Variants in MYO5B observed in about 807,000 individuals in gnomAD.
The protein encoded by MYO5B is unconventional myosin-Vb.
In MYO5B, 143 loss-of-function variants were observed where a neutral mutation model predicts 229.3. The ratio of observed to expected loss-of-function variants is 0.62; its 90% CI spans 0.54 to 0.72. The LOEUF is 0.72. Ranked by LOEUF, MYO5B falls within the 30% of genes least tolerant of loss-of-function variation. MYO5B has a pLI of 0.00. For missense variants in MYO5B, 2,321 were observed against 2,331.0 expected (o/e 1.00, Z 0.09); for synonymous variants, 918 against 885.2 (o/e 1.04, Z -0.66).
At chr18:49,924,035 A>G (rs2025103475) in intron 17 of MYO5B, among the ~76,000 whole-genome samples, 1 of 152,178 alleles carries the variant, frequency 6.6e-6, no homozygotes, top group Admixed American at 6.5e-5. Context: ...GATCCTCAAC[A>G]GTTTAACATG....
At chr18:49,856,357 G>A (rs780858705) in intron 30 of MYO5B, among the ~76,000 whole-genome samples, 21 of 152,188 alleles carry the variant, frequency 1.4e-4, no homozygotes, top group Non-Finnish European at 2.4e-4. Flanking sequence ...AGGCTCTGGG[G>A]GCACAGGTTA....
At chr18:49,904,641 C>A (rs767827668) in intron 20 of MYO5B, 31 bp downstream of exon 20, 3 of 1,613,654 alleles carry the variant, frequency 1.9e-6, no homozygotes, top group Non-Finnish European at 2.5e-6. Flanking sequence ...TCTGAATCTG[C>A]AGCCCTGAGG....
At chr18:49,853,301 G>A in intron 31 of MYO5B, 148 bp downstream of exon 31, 1 of 803,364 alleles carries the variant, frequency 1.2e-6, no homozygotes, top group Non-Finnish European at 2.1e-6. Context: ...CAGTGAAGGG[G>A]TCTTGACCGG....
At chr18:49,851,390 T>C (rs972362343) in intron 31 of MYO5B, among the ~76,000 whole-genome samples, 28 of 152,202 alleles carry the variant, frequency 1.8e-4, no homozygotes, top group Non-Finnish European at 2.2e-4. Context: ...GGGAATTATA[T>C]AGAGCTATGC....
rs574953513 is a variant in MYO5B, at chr18:50,194,941, G to A, written c.-148C>T. The stretch of plus-strand genomic sequence containing the variant: ...CTCCGACCTGCCCCGCCGGCTTCCC[G>A]CAGGCGCCGCGGCCGGCTCGCTCCC... On this transcript the variant is annotated 5_prime_UTR_variant, in exon 1 of 40. Coordinates refer to ENST00000285039, the MANE Select transcript of MYO5B (RefSeq NM_001080467.3). 8 of 1,129,056 alleles carry A rather than the reference G, an allele frequency of 7.1e-6. No individual in the cohort carries two copies. The African/African-American group carries it at 9.7e-5, about 14-fold the overall frequency. 69.9% of individuals were successfully genotyped at this position (1,129,056 alleles called of 1,614,324 possible).
intron 1 of MYO5B, among the ~76,000 whole-genome samples, chr18:50,080,521 C>A (rs1340036025): frequency 1.3e-5 from 2 of 152,182 alleles, no homozygotes; most frequent in East Asian, 3.9e-4. Flanking sequence ...ACTTGCCCAA[C>A]AGCTGCCCCC....
intron 39 of MYO5B, among the ~76,000 whole-genome samples, chr18:49,830,928 T>C (rs907237947): frequency 4.0e-5 from 6 of 149,958 alleles, no homozygotes; most frequent in Non-Finnish European, 8.8e-5. Flanking sequence ...AACAGTATGG[T>C]ACTGGTATAC....
At chr18:50,120,431 G>A (rs2032039088) in intron 1 of MYO5B, among the ~76,000 whole-genome samples, 1 of 152,224 alleles carries the variant, frequency 6.6e-6, no homozygotes, top group Admixed American at 6.5e-5. Flanking sequence ...TCAGGGCAGT[G>A]TTGGTCTGCG....
chr18:49,863,577 C>T (rs1460134105), intron 28 of MYO5B, among the ~76,000 whole-genome samples: 1 of 152,124 alleles, frequency 6.6e-6, no homozygotes, highest in Non-Finnish European at 1.5e-5. Flanking sequence ...GGAGGTGCCC[C>T]TGGGAGGAGA....
At chr18:49,863,488 G>A (rs1568615222) in intron 28 of MYO5B, among the ~76,000 whole-genome samples, 161 bp from the exon 29 acceptor site, 1 of 152,186 alleles carries the variant, frequency 6.6e-6, no homozygotes, top group Non-Finnish European at 1.5e-5. Context: ...GACTCCAAAA[G>A]GTCATCTTGG....
chr18:50,043,243 T>C (rs1314825783), intron 2 of MYO5B, among the ~76,000 whole-genome samples: 2 of 133,502 alleles, frequency 1.5e-5, no homozygotes, highest in Admixed American at 1.8e-4. Context: ...CACAAATATA[T>C]ATATACATAA....
intron 2 of MYO5B, among the ~76,000 whole-genome samples, chr18:50,047,840 C>T (rs984639503): frequency 2.7e-5 from 4 of 148,252 alleles, no homozygotes; most frequent in South Asian, 2.1e-4. Context: ...ATCACAAGGA[C>T]GAAAAACCAA....
intron 1 of MYO5B, among the ~76,000 whole-genome samples, chr18:50,119,616 G>A (rs541927927): frequency 5.9e-5 from 9 of 152,126 alleles, no homozygotes; most frequent in African/African-American, 2.2e-4. Context: ...GTCAGTGAGC[G>A]GCAGGAATTA....
chr18:49,918,629 C>G (rs1363307543), intron 17 of MYO5B, among the ~76,000 whole-genome samples: 2 of 152,154 alleles, frequency 1.3e-5, no homozygotes, highest in African/African-American at 4.8e-5. Context: ...ACCTATGAGC[C>G]TCAGTGGGAC....
intron 1 of MYO5B, among the ~76,000 whole-genome samples, chr18:50,076,404 T>C (rs2031078927): frequency 6.6e-6 from 1 of 152,038 alleles, no homozygotes; most frequent in African/African-American, 2.4e-5. Context: ...CTCAGTAGCA[T>C]GAGGGTGAAA....
intron 5 of MYO5B, among the ~76,000 whole-genome samples, chr18:49,997,789 C>A (rs555778907): frequency 6.6e-6 from 1 of 152,258 alleles, no homozygotes; most frequent in East Asian, 1.9e-4. Context: ...ATTTCCGCCT[C>A]CTCAGACCTT....
intron 21 of MYO5B, among the ~76,000 whole-genome samples, chr18:49,898,304 A>C (rs1373821832): frequency 1.3e-5 from 2 of 152,262 alleles, no homozygotes; most frequent in Non-Finnish European, 2.9e-5. Context: ...ATATGGAATC[A>C]AATTGATTTA....
At chr18:50,126,689 C>T (rs781096506) in intron 1 of MYO5B, 1 of 154,514 alleles carries the variant, frequency 6.5e-6, no homozygotes, top group Non-Finnish European at 1.5e-5. Context: ...ATCTCCAGGA[C>T]CTGATCAAAT....
At chr18:49,988,894 C>T (rs1445451162) in intron 7 of MYO5B, among the ~76,000 whole-genome samples, 2 of 152,158 alleles carry the variant, frequency 1.3e-5, no homozygotes, top group African/African-American at 2.4e-5. Flanking sequence ...ATCATGTCAT[C>T]GTGTTCCGGG....
Sources: gnomAD v4.1 joint callset for allele counts (sites outside exome capture counted in the v4.1 genomes callset) on GRCh38, gnomAD v4.1.1 for gene constraint, MANE v1.5 for transcripts, NCBI Gene and HGNC (gene_info 2026-07-23, HGNC 2026-07-21) for gene names.